The following CCL24 variants were observed in gnomAD, a reference collection of about 807,000 sequenced individuals.
CCL24 encodes C-C motif chemokine ligand 24.
CCL24 carries 6 observed loss-of-function variants against 8.6 expected under a neutral mutation model. The observed-to-expected ratio is 0.70, with a 90% CI of 0.38 to 1.38. CCL24 has a LOEUF of 1.38. CCL24 is among the 40% of genes most tolerant of loss of function. The pLI is 0.02. For synonymous variants in CCL24, 59 were observed against 52.7 expected, an observed-to-expected ratio of 1.12 and a Z score of -0.52; for missense variants, 126 against 147.1, an observed-to-expected ratio of 0.86 and a Z score of 0.74.
chr7:75,820,019 C>CGTCTTCTTCTTCTTG (rs1585031474), intron 1 of CCL24, among the ~76,000 whole-genome samples: 1 of 12,996 alleles, frequency 7.7e-5, no homozygotes, highest in Admixed American at 8.2e-4. Context: ...TAGTAAACTA[C>CGTCTTCTTCTTCTTG]TTCTTCTTCT....
intron 1 of CCL24, among the ~76,000 whole-genome samples, chr7:75,823,034 C>T (rs1250034847): frequency 6.6e-6 from 1 of 152,140 alleles, no homozygotes; most frequent in East Asian, 1.9e-4. Context: ...TCCGATCCAC[C>T]CCTTACTTTA....
intron 2 of CCL24, 73 bp from the exon 3 acceptor site, chr7:75,812,037 G>C (rs549659544): frequency 1.6e-6 from 2 of 1,286,258 alleles, no homozygotes; most frequent in African/African-American, 3.0e-5. Flanking sequence ...ATGGCGGGGG[G>C]GATGTGGACG....
chr7:75,813,482 C>T, intron 1 of CCL24, 59 bp from the exon 2 acceptor site: 2 of 1,382,846 alleles, frequency 1.4e-6, no homozygotes, highest in South Asian at 1.2e-5. Context: ...GGCTCTGGGC[C>T]TCAGAGCTGG....
In CCL24 at chr7:75,811,814, G is replaced by A. The variant is rs145220760; in HGVS notation, c.342C>T (p.Gly114=). Reference sequence around the variant, plus strand: ...GCGGGGATTAGCAGGTGGTTTGGTTGCCAGGATATCTCTGGACAGGGCCCT... The same window carrying A: ...GCGGGGATTAGCAGGTGGTTTGGTTACCAGGATATCTCTGGACAGGGCCCT... ...AVKGPVQRYP[G]NQTTC is the part of the protein sequence containing the mutation. Residue 114 remains glycine (G), a synonymous_variant, in exon 3 of 3, where the codon GGC becomes GGT. Transcript: ENST00000222902. 81 of 1,613,418 alleles carry A rather than the reference G, an allele frequency of 5.0e-5. No individual in the cohort carries two copies. The African/African-American group carries it at 9.1e-4, about 18-fold the overall frequency.
intron 1 of CCL24, among the ~76,000 whole-genome samples, chr7:75,820,014 A>AACC (rs1563353683): frequency 7.8e-5 from 7 of 89,236 alleles, no homozygotes; most frequent in Non-Finnish European, 1.3e-4. Flanking sequence ...GCTTTTAGTA[A>AACC]ACTACTTCTT....
At position 75,811,251 on chromosome 7, in the gene CCL24, G is replaced by T. The variant is rs375285610; in HGVS notation, c.*545C>A. Among the ~76,000 whole-genome samples the T allele has an allele frequency of 6.6e-6, 1 of 151,796 alleles. No individual in the cohort carries two copies. Among genetic ancestry groups the T allele is most frequent in the African/African-American group, 2.4e-5 (1 of 41,350 alleles). On this transcript the variant is annotated 3_prime_UTR_variant, in exon 3 of 3. Coordinates refer to ENST00000222902, the MANE Select transcript of CCL24 (RefSeq NM_002991.3). The stretch of plus-strand genomic sequence containing the variant: ...CCCAGCACTTTGGGAGGCCGAGGCA[G>T]GTAGATCACTTGAGGCCAGGAGTTT...
intron 1 of CCL24, among the ~76,000 whole-genome samples, chr7:75,820,090 T>TTCTTCTTC: frequency 1.6e-5 from 2 of 127,396 alleles, no homozygotes; most frequent in East Asian, 2.6e-4. Flanking sequence ...TTCTTCTTCC[T>TTCTTCTTC]CTTCTTCTTC....
chr7:75,816,918 G>A (rs1475719297), upstream of CCL24, among the ~76,000 whole-genome samples: 1 of 151,336 alleles, frequency 6.6e-6, no homozygotes, highest in African/African-American at 2.4e-5. Flanking sequence ...AGGCTGGAGT[G>A]CAGTGGTGTG....
chr7:75,812,111 G>A (rs1423681037), intron 2 of CCL24, 147 bp from the exon 3 acceptor site: 2 of 639,252 alleles, frequency 3.1e-6, no homozygotes, highest in Admixed American at 2.9e-5. Flanking sequence ...TTTTGACACA[G>A]GGTCTCACTC....
chr7:75,819,138 C>T (rs1246070818), intron 1 of CCL24, among the ~76,000 whole-genome samples: 3 of 147,850 alleles, frequency 2.0e-5, no homozygotes, highest in Admixed American at 1.4e-4. Context: ...CGTGGTGGCA[C>T]ATGACTGTAA....
upstream of CCL24, among the ~76,000 whole-genome samples, chr7:75,818,130 C>A (rs930946937): frequency 3.3e-5 from 5 of 152,096 alleles, no homozygotes; most frequent in Admixed American, 1.3e-4. Context: ...CTCACCCAAC[C>A]AAAACTCCTA....
chr7:75,817,926 G>A (rs1468459873), upstream of CCL24, among the ~76,000 whole-genome samples: 1 of 151,820 alleles, frequency 6.6e-6, no homozygotes, highest in Non-Finnish European at 1.5e-5. Context: ...CGCCCCCCAG[G>A]TTCAAGCAAT....
chr7:75,815,814 C>A (rs1803878288), upstream of CCL24, among the ~76,000 whole-genome samples: 1 of 152,150 alleles, frequency 6.6e-6, no homozygotes. Context: ...TATTGGGTAA[C>A]AAGAACAAGG....
upstream of CCL24, among the ~76,000 whole-genome samples, chr7:75,817,397 G>A (rs918208041): frequency 1.5e-4 from 23 of 152,158 alleles, no homozygotes; most frequent in Non-Finnish European, 2.2e-4. Context: ...AACAGGAGTG[G>A]GCGAGCAGAA....
chr7:75,811,642 C>A lies in CCL24; in HGVS notation c.*154G>T. 1 of 649,620 alleles carries A rather than the reference C, an allele frequency of 1.5e-6. No homozygotes were observed. The allele number at this position is 649,620 out of a possible 1,614,324, so 40.2% of individuals were successfully genotyped here. A position where few individuals can be genotyped will look rare whatever the true frequency, so the allele number is the denominator to read the frequency against. Reference sequence around the variant, plus strand: ...CCCCCGGGAACCACATCACCTGCTCCCTCGGGTTTTTCATAGAAGAGACAC... The same window carrying A: ...CCCCCGGGAACCACATCACCTGCTCACTCGGGTTTTTCATAGAAGAGACAC... On this transcript the variant is annotated 3_prime_UTR_variant, in exon 3 of 3. Transcript: ENST00000222902.
At chr7:75,813,278 C>T in intron 2 of CCL24, 28 bp downstream of exon 2, 1 of 1,404,640 alleles carries the variant, frequency 7.1e-7, no homozygotes, top group Non-Finnish European at 1.0e-6. Flanking sequence ...CACCCCTCTC[C>T]TGCCACGTGC....
chr7:75,817,008 G>A (rs1410446481), upstream of CCL24, among the ~76,000 whole-genome samples: 1 of 152,010 alleles, frequency 6.6e-6, no homozygotes, highest in Non-Finnish European at 1.5e-5. Context: ...GGGACTACAG[G>A]TGCACGCCAC....
intron 1 of CCL24, among the ~76,000 whole-genome samples, chr7:75,822,927 C>T (rs566090789): frequency 6.6e-6 from 1 of 152,328 alleles, no homozygotes; most frequent in South Asian, 2.1e-4. Flanking sequence ...CCTACATCTT[C>T]CTGGGAAGGA....
Position 75,820,105 on chromosome 7 carries a change from TC to T in CCL24, c.-60+3216del, listed in dbSNP as rs373337125. On this transcript the variant is annotated intron_variant, in intron 1 of 3. Coordinates refer to the CCL24 transcript ENST00000416943. Reference sequence around the variant, plus strand: ...TTCTTCTTCCTCTTCTTCTTCTTCTTCCTTCTTCTTCTTCTTCTTCTTCTTC... The same window carrying T: ...TTCTTCTTCCTCTTCTTCTTCTTCTTCTTCTTCTTCTTCTTCTTCTTCTTC... 2.8e-3 allele frequency among the ~76,000 whole-genome samples: 197 copies of T among 70,934 alleles called. 1 individual carries two copies. The East Asian group carries it at 0.032, about 11-fold the overall frequency. The allele number at this position is 70,934 out of a possible 152,430, so 46.5% of individuals were successfully genotyped here. A position where few individuals can be genotyped will look rare whatever the true frequency, so the allele number is the denominator to read the frequency against.
Sources: gnomAD v4.1 joint callset for allele counts (sites outside exome capture counted in the v4.1 genomes callset) on GRCh38, gnomAD v4.1.1 for gene constraint, MANE v1.5 for transcripts, NCBI Gene and HGNC (gene_info 2026-07-23, HGNC 2026-07-21) for gene names.